ANKRD36: variants seen among roughly 807,000 people sequenced by gnomAD.
ANKRD36 encodes the protein ankyrin repeat domain 36, also known as ankyrin repeat domain-containing protein 36A.
ANKRD36 carries 179 observed loss-of-function variants against 278.1 expected under a neutral mutation model. That is an observed-to-expected ratio of 0.64 (90% CI 0.57 to 0.73). The LOEUF (loss-of-function observed/expected upper bound fraction) is 0.73. ANKRD36 is among the 30% of genes least tolerant of loss of function. The pLI, the probability that ANKRD36 is intolerant of heterozygous loss-of-function variation, is 0.00. For missense variants in ANKRD36, 1,159 were observed against 1,956.7 expected (o/e 0.59, Z 7.69); for synonymous variants, 320 against 641.1 (o/e 0.50, Z 7.57).
At chr2:97,216,851 T>C (rs1212581010) in intron 62 of ANKRD36, 2 of 587,496 alleles carry the variant, frequency 3.4e-6, no homozygotes, top group East Asian at 3.7e-5. Flanking sequence ...TGATTCTCAA[T>C]TGTATGAGTT....
chr2:97,184,600 A>G (rs963883897), intron 28 of ANKRD36, among the ~76,000 whole-genome samples: 4 of 151,734 alleles, frequency 2.6e-5, no homozygotes, highest in African/African-American at 9.7e-5. Flanking sequence ...GAGCCATTGC[A>G]TTTTGTATAA....
chr2:97,210,069 C>T (rs1237729211), intron 56 of ANKRD36, among the ~76,000 whole-genome samples, 197 bp downstream of exon 56: 8 of 151,826 alleles, frequency 5.3e-5, no homozygotes, highest in Non-Finnish European at 2.9e-5. Context: ...AGATTATACC[C>T]TTCCCCACAT....
At chr2:97,202,882 T>C (rs1452545954) in intron 48 of ANKRD36, among the ~76,000 whole-genome samples, 3 of 151,752 alleles carry the variant, frequency 2.0e-5, no homozygotes, top group Non-Finnish European at 2.9e-5. Context: ...AAAGAGGAAG[T>C]CATTTGTATA....
intron 50 of ANKRD36, 117 bp from the exon 51 acceptor site, chr2:97,205,823 T>G: frequency 7.4e-7 from 1 of 1,353,440 alleles, no homozygotes; most frequent in Non-Finnish European, 1.0e-6. Context: ...GTAGAAGCCA[T>G]CAAAGCCTAT....
rs577561699 is a variant in ANKRD36, at chr2:97,155,514, G to A, written c.1260+773G>A. On this transcript the variant is annotated intron_variant, in intron 15 of 75. Transcript: ENST00000420699. Reference sequence around the variant, plus strand: ...ATCTACAGTAGAGAGGGTTTACAGTGTGTTTTCCAAGTCTTTTTTATTAAG... The same window carrying A: ...ATCTACAGTAGAGAGGGTTTACAGTATGTTTTCCAAGTCTTTTTTATTAAG... Among the ~76,000 whole-genome samples, 8 of 146,544 alleles carry A rather than the reference G, an allele frequency of 5.5e-5. No individual in the cohort carries two copies. The South Asian group carries it at 1.7e-3, about 31-fold the overall frequency.
chr2:97,219,140 A>G (rs1558877641), intron 65 of ANKRD36, 34 bp from the exon 66 acceptor site: 2 of 1,546,440 alleles, frequency 1.3e-6, no homozygotes, highest in Middle Eastern at 2.1e-4. Context: ...AATATACATC[A>G]TGTGCTAATC....
In ANKRD36 at chr2:97,142,825, A is replaced by G. The variant is rs75359815; in HGVS notation, c.891A>G (p.Lys297=). ...NIATEIKDGQ[K]SGTVSSQKQP... ...CCACAGAAATAAAGGATGGACAAAA[A>G]TCTGGGACAGGTATTTTGGAATACA... The change falls in exon 8 of 76, where the codon AAA becomes AAG. Residue 297 remains lysine (K), a synonymous_variant. Coordinates refer to ENST00000420699, the MANE Select transcript of ANKRD36 (RefSeq NM_001354587.1). The G allele has an allele frequency of 2.6e-6, 4 of 1,546,356 alleles. No individual in the cohort carries two copies. In the South Asian group the frequency reaches 4.8e-5, roughly 19 times the overall value.
intron 8 of ANKRD36, among the ~76,000 whole-genome samples, chr2:97,143,592 C>A (rs1305804866): frequency 8.6e-5 from 13 of 151,922 alleles, no homozygotes; most frequent in African/African-American, 3.1e-4. Flanking sequence ...TTTAAAGGAA[C>A]TAACTTTTGG....
chr2:97,212,920 G>A (rs1188242480), intron 58 of ANKRD36: 1 of 255,080 alleles, frequency 3.9e-6, no homozygotes, highest in East Asian at 1.2e-4. Flanking sequence ...TTCCACTGAA[G>A]AGACGTGAAG....
intron 15 of ANKRD36, among the ~76,000 whole-genome samples, chr2:97,156,891 T>A (rs1413638561): frequency 1.3e-5 from 2 of 151,794 alleles, no homozygotes; most frequent in African/African-American, 4.8e-5. Context: ...TGTTGTTTCC[T>A]GACTTTTTAA....
intron 46 of ANKRD36, among the ~76,000 whole-genome samples, chr2:97,201,565 T>C (rs1333463992): frequency 6.6e-5 from 10 of 151,928 alleles, no homozygotes; most frequent in Admixed American, 5.9e-4. Context: ...AAGAAACTTT[T>C]GGAAGTCTAA....
intron 36 of ANKRD36, among the ~76,000 whole-genome samples, chr2:97,191,631 G>A (rs1045770804): frequency 1.3e-5 from 2 of 151,650 alleles, no homozygotes; most frequent in South Asian, 2.1e-4. Context: ...ATTTTCCCAA[G>A]GAAGACGGAT....
chr2:97,176,765 G>A (rs763312848), intron 22 of ANKRD36, among the ~76,000 whole-genome samples: 5 of 151,608 alleles, frequency 3.3e-5, no homozygotes, highest in Admixed American at 6.6e-5. Flanking sequence ...GTCTGGTACC[G>A]GTTGTTCCTT....
rs1319191832 is a variant in ANKRD36 at position 97,198,669 on chromosome 2, A to G, written c.2755+11A>G. 1 of 1,538,264 alleles carries G rather than the reference A, an allele frequency of 6.5e-7. No homozygotes were observed. Among genetic ancestry groups the G allele is most frequent in the South Asian group, 1.2e-5 (1 of 83,524 alleles). Reference sequence around the variant, plus strand: ...AAAAAACTAAGAGAGGTAATTTTGAAAAGAGATTTAATGTCATGTTCAGTG... The same window carrying G: ...AAAAAACTAAGAGAGGTAATTTTGAGAAGAGATTTAATGTCATGTTCAGTG... On this transcript the variant is annotated intron_variant, in intron 44 of 75. Coordinates refer to ENST00000420699, the MANE Select transcript of ANKRD36 (RefSeq NM_001354587.1).
At chr2:97,159,965 A>G (rs560732594) in intron 17 of ANKRD36, among the ~76,000 whole-genome samples, 159 of 152,314 alleles carry the variant, frequency 1.0e-3, no homozygotes, top group African/African-American at 3.8e-3. Context: ...TAATATTTTT[A>G]GTAGAGACGG....
chr2:97,243,303 G>A (rs761441762), intron 69 of ANKRD36, among the ~76,000 whole-genome samples: 2,241 of 126,856 alleles, frequency 0.018, 6 homozygotes, highest in Admixed American at 0.034. Flanking sequence ...CAGGCTGTAG[G>A]TAAATTTAAA....
At chr2:97,181,462 A>C in intron 24 of ANKRD36, 136 bp from the exon 25 acceptor site, 1 of 1,077,800 alleles carries the variant, frequency 9.3e-7, no homozygotes, top group Admixed American at 2.9e-5. Context: ...TCCAGTCTCC[A>C]GACAAAAAGT....
At chr2:97,158,238 T>G in intron 16 of ANKRD36, 71 bp downstream of exon 16, 1 of 1,386,226 alleles carries the variant, frequency 7.2e-7, no homozygotes, top group Non-Finnish European at 9.8e-7. Flanking sequence ...TCTTTCTTAT[T>G]TTTTGTAGAC....
Position 97,143,797 on chromosome 2 carries a change from A to G in ANKRD36, c.902-721A>G, listed in dbSNP as rs561930586. On this transcript the variant is annotated intron_variant, in intron 8 of 75. Coordinates refer to ENST00000420699, the MANE Select transcript of ANKRD36 (RefSeq NM_001354587.1). ...TTCAGTAACTTTATTTTGTATAAGT[A>G]TGCCAAATTTGATGGTTTATTATAC... Among the ~76,000 whole-genome samples, 10 of 152,342 alleles carry G rather than the reference A, an allele frequency of 6.6e-5. No individual in the cohort carries two copies. In the South Asian group the frequency reaches 1.9e-3, roughly 28 times the overall value.
Sources: allele counts gnomAD v4.1 joint callset (sites outside exome capture counted in the v4.1 genomes callset), GRCh38; gene constraint gnomAD v4.1.1; transcripts MANE v1.5; gene names NCBI Gene and HGNC (gene_info 2026-07-23, HGNC 2026-07-21).